The following MDN1 variants were observed in gnomAD, a reference collection of about 807,000 sequenced individuals.
MDN1 encodes the protein midasin AAA ATPase 1.
MDN1 carries 266 observed loss-of-function variants against 669.2 expected under a neutral mutation model. The ratio of observed to expected loss-of-function variants is 0.40; its 90% confidence interval spans 0.36 to 0.44. The LOEUF (loss-of-function observed/expected upper bound fraction) is 0.44. Among genes scored for constraint, MDN1 ranks in the 20% least tolerant of loss-of-function variants. MDN1 has a pLI of 1.00. For synonymous variants in MDN1, 2,385 were observed against 2,457.1 expected (o/e 0.97, Z 0.87); for missense variants, 5,940 against 6,754.0 (o/e 0.88, Z 4.22).
chr6:89,759,981 A>G (rs1031449138), intron 17 of MDN1, among the ~76,000 whole-genome samples: 1 of 151,992 alleles, frequency 6.6e-6, no homozygotes, highest in African/African-American at 2.4e-5. Flanking sequence ...CTGAGGCAGG[A>G]GAATTGCTTC....
intron 1 of MDN1, among the ~76,000 whole-genome samples, chr6:89,806,233 C>A (rs368825162): frequency 6.6e-6 from 1 of 152,010 alleles, no homozygotes; most frequent in African/African-American, 2.4e-5. Context: ...CCACTGTGCC[C>A]GGCCCCATTT....
intron 42 of MDN1, 31 bp from the exon 43 acceptor site, chr6:89,718,658 T>A: frequency 6.2e-7 from 1 of 1,610,562 alleles, no homozygotes; most frequent in Non-Finnish European, 8.5e-7. Flanking sequence ...GAACTCATCA[T>A]AGGGTCAGAG....
At chr6:89,649,961 G>T in intron 97 of MDN1, 63 bp downstream of exon 97, 1 of 1,538,638 alleles carries the variant, frequency 6.5e-7, no homozygotes, top group Non-Finnish European at 9.0e-7. Context: ...CATTTTGGTG[G>T]CCCATGGAAC....
In MDN1 at chr6:89,784,944, A is replaced by G; in HGVS notation, c.1449+68T>C. On this transcript the variant is annotated intron_variant, in intron 9 of 101. Transcript: ENST00000369393. ...GATGAGGGTTCTGGTGGTTTATTAT[A>G]CTATTTCCTATTTCACGCGGGAGCC... The G allele has an allele frequency of 2.9e-6, 3 of 1,025,730 alleles. No individual in the cohort carries two copies. The South Asian group carries it at 4.1e-5, about 14-fold the overall frequency. The allele number at this position is 1,025,730 out of a possible 1,614,324, so 63.5% of individuals were successfully genotyped here. A position where few individuals can be genotyped will look rare whatever the true frequency, so the allele number is the denominator to read the frequency against.
chr6:89,753,600 G>C lies in MDN1; in HGVS notation c.2987C>G (p.Thr996Arg). The C allele has an allele frequency of 6.2e-7, 1 of 1,613,582 alleles. No individual in the cohort carries two copies. Among genetic ancestry groups the C allele is most frequent in the Non-Finnish European group, 8.5e-7 (1 of 1,179,540 alleles). ...LYEGFCLGFL[T>R]QLDRASHPIV... Reference sequence around the variant, plus strand: ...TGGGTGTGATGCCCTGTCAAGCTGTGTTAAGAAACCCAAACAAAAACCCTA... The same window carrying C: ...TGGGTGTGATGCCCTGTCAAGCTGTCTTAAGAAACCCAAACAAAAACCCTA... The change falls in exon 22 of 102, where the codon ACA becomes AGA. Residue 996 changes from threonine to arginine, a missense_variant. By Grantham distance (71) the Thr-to-Arg change is moderately conservative. This residue lies in a region of MDN1 where 1,203 missense variants were observed against 1,268.9 expected (regional missense o/e 0.95). Coordinates refer to ENST00000369393, the MANE Select transcript of MDN1 (RefSeq NM_014611.3).
intron 43 of MDN1, among the ~76,000 whole-genome samples, chr6:89,717,010 G>A (rs1218015371): frequency 6.6e-6 from 1 of 152,214 alleles, no homozygotes; most frequent in Non-Finnish European, 1.5e-5. Context: ...ATGGCTCTCT[G>A]TATTAATAGC....
In MDN1 at chr6:89,732,634, T is replaced by C. The variant is rs1238548354; in HGVS notation, c.4865A>G (p.Lys1622Arg). The change falls in exon 34 of 102, where the codon AAA becomes AGA. Residue 1622 changes from lysine to arginine, a missense_variant. This residue lies in a region of MDN1 where 2,292 missense variants were observed against 2,638.3 expected (regional missense o/e 0.87). Coordinates refer to ENST00000369393, the MANE Select transcript of MDN1 (RefSeq NM_014611.3). Reference sequence around the variant, plus strand: ...CACAGTGGAGATGATCTCTGGCCTTTTCAAAGCAGCTTCCTCCCCCATTTT... The same window carrying C: ...CACAGTGGAGATGATCTCTGGCCTTCTCAAAGCAGCTTCCTCCCCCATTTT... ...MNKMGEEAAL[K>R]RPEIISTVTS... 6.2e-7 allele frequency: 1 copy of C among 1,613,976 alleles called. No homozygotes were observed. Among genetic ancestry groups the C allele is most frequent in the African/African-American group, 1.3e-5 (1 of 74,888 alleles).
At chr6:89,677,056 G>A (rs1811245196) in intron 76 of MDN1, among the ~76,000 whole-genome samples, 1 of 149,492 alleles carries the variant, frequency 6.7e-6, no homozygotes. Context: ...GAAGAATGGA[G>A]AGGTGAATGC....
Position 89,781,326 on chromosome 6 carries a change from GGGTAACAGA to G in MDN1, c.1643+64_1643+72del, listed in dbSNP as rs541993869. 216 of 1,472,464 alleles carry G rather than the reference GGGTAACAGA, an allele frequency of 1.5e-4. 2 individuals are homozygous for G. The African/African-American group carries it at 2.7e-3, about 18-fold the overall frequency. The allele number at this position is 1,472,464 out of a possible 1,614,324, so 91.2% of individuals were successfully genotyped here. Reference sequence around the variant, plus strand: ...AAACTGCACCACTGCACTCCAGCCTGGGTAACAGAGCAGGAATCTGTCTCACAAAAAAAA... The same window carrying G: ...AAACTGCACCACTGCACTCCAGCCTGGCAGGAATCTGTCTCACAAAAAAAA... On this transcript the variant is annotated intron_variant, in intron 10 of 101. Coordinates refer to ENST00000369393, the MANE Select transcript of MDN1 (RefSeq NM_014611.3).
intron 15 of MDN1, among the ~76,000 whole-genome samples, chr6:89,764,457 T>C (rs1165675890): frequency 6.6e-6 from 1 of 152,054 alleles, no homozygotes; most frequent in African/African-American, 2.4e-5. Flanking sequence ...ATATAAAAAT[T>C]AGCCAGGCAT....
intron 72 of MDN1, 46 bp from the exon 73 acceptor site, chr6:89,683,376 G>C (rs1811778457): frequency 6.6e-7 from 1 of 1,525,602 alleles, no homozygotes; most frequent in South Asian, 1.2e-5. Flanking sequence ...AACTGGATTA[G>C]CAAGTGAAGA....
rs1310024352 is a variant in MDN1 at position 89,750,478 on chromosome 6, G to C, written c.3282C>G (p.Ile1094Met). The C allele has an allele frequency of 6.2e-7, 1 of 1,613,996 alleles. No homozygotes were observed. The highest frequency in any genetic ancestry group is 8.5e-7 in the Non-Finnish European group (1 of 1,179,920). Residue 1094 changes from isoleucine (I) to methionine (M), a missense_variant, in exon 24 of 102, where the codon ATC (isoleucine) becomes ATG (methionine). By Grantham distance (10) the Ile-to-Met change is conservative. Transcript: ENST00000369393. ...TGCCAGTAGCTGCAGCCAGCCACTGGATCAGGCTTGTTTTACCAACTGATG... is the reference window on the plus strand; with the variant it reads ...TGCCAGTAGCTGCAGCCAGCCACTGCATCAGGCTTGTTTTACCAACTGATG... ...GETSVGKTSL[I>M]QWLAAATGNH...
In MDN1 at chr6:89,678,584, A is replaced by T; in HGVS notation, c.12412+15T>A. 1 of 1,611,456 alleles carries T rather than the reference A, an allele frequency of 6.2e-7. No individual in the cohort carries two copies. Among genetic ancestry groups the T allele is most frequent in the Non-Finnish European group, 8.5e-7 (1 of 1,178,882 alleles). ...TGGTGACTACATTTCATTGGGTTTC[A>T]AGTGAGAACCTTACCAATTTTTGCA... On this transcript the variant is annotated intron_variant, in intron 75 of 101. Coordinates refer to ENST00000369393, the MANE Select transcript of MDN1 (RefSeq NM_014611.3).
chr6:89,685,127 A>T (rs1811918277), intron 70 of MDN1, 142 bp from the exon 71 acceptor site: 1 of 561,198 alleles, frequency 1.8e-6, no homozygotes, highest in Non-Finnish European at 3.1e-6. Context: ...CAGGTGCATT[A>T]TTTAGGGATC....
chr6:89,672,341 T>C lies in MDN1; in HGVS notation c.13653A>G (p.Ser4551=). ...EDYAGFERLQ[S]GHLTKLLEDD... ...CCTCTAAGAGTTTTGTTAGATGTCC[T>C]GATTGCAGTCTCTCAAAGCCTGCTG... The change falls in exon 82 of 102, where the codon TCA becomes TCG. Residue 4551 remains serine, a synonymous_variant. Transcript: ENST00000369393. 1.2e-6 allele frequency: 2 copies of C among 1,612,626 alleles called. No homozygotes were observed. The highest frequency in any genetic ancestry group is 1.7e-6 in the Non-Finnish European group (2 of 1,179,706).
rs530466099 is a variant in MDN1 at position 89,818,966 on chromosome 6, TGTAA to T, written c.102+536_102+539del. Among the ~76,000 whole-genome samples the T allele has an allele frequency of 1.4e-3, 212 of 152,348 alleles. 1 individual carries two copies. In the South Asian group the frequency reaches 0.016, roughly 12 times the overall value. ...CTGTCTTGCTCTGTACTTCAGCTGT[TGTAA>T]GTGTTTACGAACTGTCTCCAAAAAC... On this transcript the variant is annotated intron_variant, in intron 1 of 101. Coordinates refer to ENST00000369393, the MANE Select transcript of MDN1 (RefSeq NM_014611.3).
intron 24 of MDN1, 102 bp from the exon 25 acceptor site, chr6:89,749,853 A>C: frequency 1.0e-6 from 1 of 953,312 alleles, no homozygotes; most frequent in Non-Finnish European, 1.6e-6. Flanking sequence ...TCAAATTTCA[A>C]AGCAAATTAC....
chr6:89,716,909 T>G, intron 43 of MDN1, 100 bp from the exon 44 acceptor site: 1 of 1,249,890 alleles, frequency 8.0e-7, no homozygotes, highest in Non-Finnish European at 1.1e-6. Context: ...CCAAGGTTTT[T>G]AAGATTTCAT....
intron 37 of MDN1, among the ~76,000 whole-genome samples, chr6:89,726,843 T>C (rs1338612483): frequency 2.0e-5 from 3 of 152,150 alleles, no homozygotes; most frequent in African/African-American, 7.2e-5. Context: ...CACACTACAT[T>C]AGAATTTCAA....
Sources: gnomAD v4.1 joint callset for allele counts (sites outside exome capture counted in the v4.1 genomes callset) on GRCh38, gnomAD v4.1.1 for gene constraint, gnomAD v4.1.1 regional missense constraint, MANE v1.5 for transcripts, NCBI Gene and HGNC (gene_info 2026-07-23, HGNC 2026-07-21) for gene names.